The following RIMS2 variants were observed in gnomAD, a reference collection of about 807,000 sequenced individuals.
The protein encoded by RIMS2 is regulating synaptic membrane exocytosis 2.
A neutral mutation model predicts 174.4 loss-of-function variants in RIMS2; 59 were observed. That is an observed-to-expected ratio of 0.34 (90% CI 0.27 to 0.42). The LOEUF is 0.42. Ranked by LOEUF, RIMS2 falls within the 10% of genes least tolerant of loss-of-function variation. RIMS2 has a pLI of 1.00. For synonymous variants in RIMS2, 606 were observed against 572.5 expected (o/e 1.06, Z -0.84); for missense variants, 1,620 against 1,666.3 (o/e 0.97, Z 0.48).
intron 1 of RIMS2, among the ~76,000 whole-genome samples, chr8:103,572,019 T>C (rs1294768352): frequency 6.6e-6 from 1 of 152,180 alleles, no homozygotes; most frequent in Admixed American, 6.5e-5. Flanking sequence ...CTCTCTTGAC[T>C]TCAAAAATGA....
chr8:103,999,346 G>T (rs370030686), intron 17 of RIMS2, among the ~76,000 whole-genome samples: 2 of 151,662 alleles, frequency 1.3e-5, no homozygotes, highest in South Asian at 4.1e-4. Flanking sequence ...CAGCAAATAT[G>T]ATTGAAATTT....
chr8:103,696,862 CAA>C (rs55852238), intron 1 of RIMS2, among the ~76,000 whole-genome samples: 15 of 53,712 alleles, frequency 2.8e-4, no homozygotes, highest in African/African-American at 9.9e-4. Flanking sequence ...GACTTCGTCT[CAA>C]AAAAAAAAAA....
intron 2 of RIMS2, among the ~76,000 whole-genome samples, chr8:103,726,051 A>G (rs886803284): frequency 6.6e-6 from 1 of 152,170 alleles, no homozygotes; most frequent in Non-Finnish European, 1.5e-5. Context: ...CACTCTATAT[A>G]TACTGAACAA....
intron 19 of RIMS2, among the ~76,000 whole-genome samples, chr8:104,086,067 T>C (rs1230443653): frequency 6.6e-6 from 1 of 151,846 alleles, no homozygotes; most frequent in Non-Finnish European, 1.5e-5. Flanking sequence ...GAAAATATAA[T>C]TTAAAATCAG....
chr8:103,911,836 T>C (rs2075734834), intron 5 of RIMS2, among the ~76,000 whole-genome samples: 1 of 152,098 alleles, frequency 6.6e-6, no homozygotes, highest in African/African-American at 2.4e-5. Flanking sequence ...AATTGGATTT[T>C]GAAAAAAACT....
At chr8:103,739,834 A>G (rs1238029137) in intron 2 of RIMS2, among the ~76,000 whole-genome samples, 1 of 152,114 alleles carries the variant, frequency 6.6e-6, no homozygotes, top group African/African-American at 2.4e-5. Context: ...AGTCTCTAGG[A>G]GCAAAACATA....
At chr8:104,222,274 A>G (rs2511573) in intron 19 of RIMS2, among the ~76,000 whole-genome samples, 49,044 of 152,022 alleles carry the variant, frequency 0.32, 8,111 homozygotes, top group African/African-American at 0.39. Context: ...GTTGCATCAT[A>G]TAAACATCTA....
At chr8:103,591,310 G>A (rs565502541) in intron 1 of RIMS2, among the ~76,000 whole-genome samples, 6 of 150,944 alleles carry the variant, frequency 4.0e-5, no homozygotes, top group African/African-American at 1.4e-4. Context: ...TGCTGGATAT[G>A]AATTTACTAT....
chr8:104,199,163 A>G (rs1028853967), intron 19 of RIMS2, among the ~76,000 whole-genome samples: 1 of 151,908 alleles, frequency 6.6e-6, no homozygotes, highest in Non-Finnish European at 1.5e-5. Context: ...CAGGGTTCAC[A>G]CCATTCTCCT....
intron 9 of RIMS2, among the ~76,000 whole-genome samples, chr8:103,919,488 T>C (rs906749496): frequency 6.6e-6 from 1 of 151,654 alleles, no homozygotes; most frequent in Admixed American, 6.6e-5. Context: ...GAGTAGATAC[T>C]TAGTGTTAAA....
At chr8:104,216,535 A>C (rs1334685634) in intron 19 of RIMS2, among the ~76,000 whole-genome samples, 1 of 152,204 alleles carries the variant, frequency 6.6e-6, no homozygotes, top group African/African-American at 2.4e-5. Flanking sequence ...CTCAAACTTC[A>C]TGGGCTTATT....
intron 1 of RIMS2, among the ~76,000 whole-genome samples, chr8:103,537,693 G>A (rs1673115925): frequency 6.6e-6 from 1 of 152,166 alleles, no homozygotes; most frequent in Non-Finnish European, 1.5e-5. Context: ...GATCAGTGAA[G>A]GGAAATTATA....
chr8:104,190,118 A>G (rs1188932483), intron 19 of RIMS2, among the ~76,000 whole-genome samples: 1 of 152,006 alleles, frequency 6.6e-6, no homozygotes, highest in Non-Finnish European at 1.5e-5. Context: ...GCCTGACAAC[A>G]TAATAAGACC....
intron 3 of RIMS2, among the ~76,000 whole-genome samples, chr8:103,866,991 T>C (rs945450973): frequency 6.6e-6 from 1 of 151,970 alleles, no homozygotes; most frequent in Non-Finnish European, 1.5e-5. Context: ...AAACTGGAAA[T>C]ATATTTAGGT....
At position 104,062,132 on chromosome 8, in the gene RIMS2, G is replaced by A. The variant is rs555005117; in HGVS notation, c.3334+47517G>A. Among the ~76,000 whole-genome samples the A allele has an allele frequency of 1.1e-4, 16 of 152,092 alleles. No individual in the cohort carries two copies. The South Asian group carries it at 1.7e-3, about 16-fold the overall frequency. ...AAATATTCATTAAAATTGGTCAGGC[G>A]CAGTGGCTCTCGCCTGTAATCTCAG... On this transcript the variant is annotated intron_variant, in intron 19 of 23. Coordinates refer to ENST00000504942, the Ensembl canonical transcript of RIMS2.
At chr8:103,804,187 GA>G (rs2154457804) in intron 3 of RIMS2, among the ~76,000 whole-genome samples, 1 of 152,246 alleles carries the variant, frequency 6.6e-6, no homozygotes, top group East Asian at 1.9e-4. Context: ...TAACTTAGTG[GA>G]AGACAGCTTC....
At chr8:103,952,226 G>C (rs980445207) in intron 14 of RIMS2, among the ~76,000 whole-genome samples, 1 of 152,168 alleles carries the variant, frequency 6.6e-6, no homozygotes, top group Non-Finnish European at 1.5e-5. Flanking sequence ...CTGAAGAGAG[G>C]AGCAGATCTC....
Position 103,703,659 on chromosome 8 carries a change from A to G in RIMS2, c.387+6363A>G, listed in dbSNP as rs1184010753. Among the ~76,000 whole-genome samples the G allele has an allele frequency of 3.9e-5, 6 of 152,166 alleles. 1 individual carries two copies. Among genetic ancestry groups the G allele is most frequent in the Admixed American group, 3.9e-4 (6 of 15,268 alleles). On this transcript the variant is annotated intron_variant, in intron 2 of 23. Coordinates refer to ENST00000504942, the Ensembl canonical transcript of RIMS2. ...TACTTTTCCTTTTTTTTGGTATTTA[A>G]TTTATTTCATCAGTGTCTTATAGTT...
intron 15 of RIMS2, among the ~76,000 whole-genome samples, chr8:103,962,147 C>T (rs972866903): frequency 3.3e-5 from 5 of 151,950 alleles, no homozygotes; most frequent in Non-Finnish European, 7.4e-5. Context: ...TTTTCTTCTT[C>T]CAAATTCTTT....
Sources: allele counts gnomAD v4.1 joint callset (sites outside exome capture counted in the v4.1 genomes callset), GRCh38; gene constraint gnomAD v4.1.1; transcripts MANE v1.5; gene names NCBI Gene and HGNC (gene_info 2026-07-23, HGNC 2026-07-21).